The following P4HB variants were observed in gnomAD, a reference collection of about 807,000 sequenced individuals.
P4HB encodes the protein protein disulfide-isomerase.
In P4HB, 20 loss-of-function variants were observed where a neutral mutation model predicts 52.6. The observed-to-expected ratio is 0.38, with a 90% CI of 0.27 to 0.55. The LOEUF (loss-of-function observed/expected upper bound fraction) is 0.55, where lower values mean the gene tolerates loss of function less well. Among genes scored for constraint, P4HB ranks in the 20% least tolerant of loss-of-function variants. The pLI is 0.74. For missense variants in P4HB, 601 were observed against 669.2 expected (o/e 0.90, Z 1.12); for synonymous variants, 296 against 277.9 (o/e 1.07, Z -0.65).
chr17:81,852,755 A>G lies in P4HB; in HGVS notation c.624+2387T>C, dbSNP rs145837306. Among the ~76,000 whole-genome samples the G allele has an allele frequency of 1.9e-4, 29 of 152,346 alleles. No homozygotes were observed. The East Asian group carries it at 1.9e-3, about 10-fold the overall frequency. ...AGCCTTTGCAGGCAAGAGCAACGAA[A>G]CCACCCTCCCAGCCTTCGCGGACAC... On this transcript the variant is annotated intron_variant, in intron 4 of 10. Transcript: ENST00000331483.
At position 81,855,268 on chromosome 17, in the gene P4HB, C is replaced by A. The variant is rs774429058; in HGVS notation, c.498G>T (p.Ser166=). Reference sequence around the variant, plus strand: ...CCTGCAAAAACTGCTTGGCAGAGTCCGACTCCACGTCCTGAATGAGGAGGG... The same window carrying A: ...CCTGCAAAAACTGCTTGGCAGAGTCAGACTCCACGTCCTGAATGAGGAGGG... ...AVIGFFKDVE[S]DSAKQFLQAA... The change falls in exon 4 of 11, where the codon TCG becomes TCT. Residue 166 remains serine, a synonymous_variant. Transcript: ENST00000331483. This position sits in a 1 kb window ranked among gnomAD's most constrained non-coding sequence, Gnocchi z 4.3. 6.2e-7 allele frequency: 1 copy of A among 1,613,866 alleles called. No individual in the cohort carries two copies. The highest frequency in any genetic ancestry group is 8.5e-7 in the Non-Finnish European group (1 of 1,179,976).
intron 4 of P4HB, among the ~76,000 whole-genome samples, chr17:81,849,202 C>T (rs751249174): frequency 1.3e-5 from 2 of 151,008 alleles, no homozygotes; most frequent in African/African-American, 4.9e-5. Context: ...GCCTGGGTGA[C>T]GAGTGAAACA....
intron 4 of P4HB, among the ~76,000 whole-genome samples, chr17:81,851,687 T>C (rs2038832905): frequency 6.6e-6 from 1 of 151,794 alleles, no homozygotes; most frequent in Non-Finnish European, 1.5e-5. Context: ...CCCTCCAGAG[T>C]GTCAGGCGCC....
At chr17:81,844,683 C>T (rs1421261916) in intron 10 of P4HB, among the ~76,000 whole-genome samples, 3 of 152,222 alleles carry the variant, frequency 2.0e-5, no homozygotes, top group African/African-American at 7.2e-5. Context: ...GCCCCTGCCG[C>T]ATCCTCCCAA....
In P4HB at chr17:81,859,354, G is replaced by A; in HGVS notation, c.179C>T (p.Ala60Val). The A allele has an allele frequency of 1.2e-6, 2 of 1,613,838 alleles. No individual in the cohort carries two copies. Among genetic ancestry groups the A allele is most frequent in the Non-Finnish European group, 1.7e-6 (2 of 1,180,016 alleles). ...CCCAGCGGCTTTGGCATACTCAGGG[G>A]CCAGAGCCTTGCAGTGGCCACACCA... is the stretch of plus-strand genomic sequence containing the variant. ...APWCGHCKAL[A>V]PEYAKAAGKL... Residue 60 changes from alanine (A) to valine (V), a missense_variant, in exon 2 of 11, where the codon GCC (alanine) becomes GTC (valine). Physicochemically the swap from Ala to Val is moderately conservative, Grantham distance 64. Transcript: ENST00000331483.
At chr17:81,850,186 G>A (rs985391111) in intron 4 of P4HB, among the ~76,000 whole-genome samples, 2 of 151,536 alleles carry the variant, frequency 1.3e-5, no homozygotes, top group African/African-American at 4.9e-5. Flanking sequence ...AGGCTAGAGT[G>A]CAGTGGCAGG....
In P4HB at chr17:81,855,621, C is replaced by G. The variant is rs374555221; in HGVS notation, c.353-35G>C. 2 of 1,595,918 alleles carry G rather than the reference C, an allele frequency of 1.3e-6. No individual in the cohort carries two copies. Among genetic ancestry groups the G allele is most frequent in the Non-Finnish European group, 8.6e-7 (1 of 1,169,134 alleles). On this transcript the variant is annotated intron_variant, in intron 2 of 10. Transcript: ENST00000331483. This position sits in a 1 kb window ranked among gnomAD's most constrained non-coding sequence, Gnocchi z 4.3. ...AACAAATGTAGGTTCTACTCTCAAA[C>G]AGGGAGTGCCGCCTGCCCTGCCGCG...
intron 5 of P4HB, 74 bp from the exon 6 acceptor site, chr17:81,847,146 A>G: frequency 3.1e-6 from 5 of 1,601,684 alleles, no homozygotes; most frequent in Non-Finnish European, 4.3e-6. Flanking sequence ...ATGGCCTCCA[A>G]TGTCAGACGC....
intron 2 of P4HB, among the ~76,000 whole-genome samples, chr17:81,858,257 CAAAAAAA>C (rs901002093): frequency 0.028 from 1,081 of 38,752 alleles, 21 homozygotes; most frequent in African/African-American, 0.074. Context: ...GAGACTGTCT[CAAAAAAA>C]AAAAAAAAAA....
chr17:81,845,085 T>TC (rs1023633151), intron 10 of P4HB, 59 bp downstream of exon 10: 9 of 1,326,850 alleles, frequency 6.8e-6, no homozygotes, highest in African/African-American at 2.9e-5. Flanking sequence ...AGTGGGCATG[T>TC]CCCGTGGGGC....
At position 81,846,976 on chromosome 17, in the gene P4HB, T is replaced by G; in HGVS notation, c.826A>C (p.Lys276Gln). 1.9e-6 allele frequency: 3 copies of G among 1,614,094 alleles called. No homozygotes were observed. Among genetic ancestry groups the G allele is most frequent in the South Asian group, 1.1e-5 (1 of 91,088 alleles). The change falls in exon 6 of 11, where the codon AAA becomes CAA. Residue 276 changes from lysine (K) to glutamine (Q), a missense_variant. Transcript: ENST00000331483. The surrounding 1 kb of genome is among the most constrained non-coding windows in gnomAD (Gnocchi z 5.7). ...CCCTTGAAGCTCTCGGCTGCTGTTT[T>G]GAAGTTGCTCAGTTTGCCGTCATAG... ...SDYDGKLSNF[K>Q]TAAESFKGKI...
chr17:81,853,905 G>T (rs1013213382), intron 4 of P4HB, among the ~76,000 whole-genome samples: 1 of 152,232 alleles, frequency 6.6e-6, no homozygotes, highest in Non-Finnish European at 1.5e-5. Context: ...AGCCCCACCT[G>T]CCTGGTGACC....
chr17:81,846,350 C>A lies in P4HB; in HGVS notation c.1056+79G>T. 2 of 1,320,764 alleles carry A rather than the reference C, an allele frequency of 1.5e-6. No homozygotes were observed. Among genetic ancestry groups the A allele is most frequent in the Non-Finnish European group, 2.2e-6 (2 of 921,368 alleles). The allele number at this position is 1,320,764 out of a possible 1,614,324, so 81.8% of individuals were successfully genotyped here. On this transcript the variant is annotated intron_variant, in intron 7 of 10. Coordinates refer to ENST00000331483, the MANE Select transcript of P4HB (RefSeq NM_000918.4). The surrounding 1 kb of genome is among the most constrained non-coding windows in gnomAD (Gnocchi z 5.7). The stretch of plus-strand genomic sequence containing the variant: ...GAAGATCTTACTTTGAGGACGAAGC[C>A]CAGGACACTGAGAGCCCAGAGACCC...
chr17:81,850,020 G>A (rs1256842713), intron 4 of P4HB, among the ~76,000 whole-genome samples: 1 of 150,910 alleles, frequency 6.6e-6, no homozygotes, highest in African/African-American at 2.4e-5. Context: ...TAGAGACAGG[G>A]TTTTACCATG....
intron 2 of P4HB, chr17:81,858,806 A>C: frequency 4.2e-6 from 1 of 236,706 alleles, no homozygotes; most frequent in Non-Finnish European, 8.5e-6. Flanking sequence ...TACACACGAC[A>C]GCTAGCAGGT....
intron 2 of P4HB, 122 bp downstream of exon 2, chr17:81,859,059 C>G: frequency 2.4e-6 from 2 of 819,204 alleles, no homozygotes; most frequent in Non-Finnish European, 4.0e-6. Context: ...GCCTGAGGAA[C>G]GGGATCCCTC....
intron 2 of P4HB, among the ~76,000 whole-genome samples, chr17:81,856,305 C>T (rs914874588): frequency 3.3e-5 from 5 of 151,074 alleles, no homozygotes; most frequent in African/African-American, 1.2e-4. Flanking sequence ...TAGCTGGGAC[C>T]ACAGGCATGT....
Position 81,855,076 on chromosome 17 carries a change from A to G in P4HB, c.624+66T>C. ...GCAAGGTTCCCTTAACGATAAGGAG[A>G]GCAACGCCACCCTCTGCAGACCAAC... On this transcript the variant is annotated intron_variant, in intron 4 of 10. Coordinates refer to ENST00000331483, the MANE Select transcript of P4HB (RefSeq NM_000918.4). The surrounding 1 kb of genome is among the most constrained non-coding windows in gnomAD (Gnocchi z 4.3). 6.6e-7 allele frequency: 1 copy of G among 1,514,542 alleles called. No individual in the cohort carries two copies. Among genetic ancestry groups the G allele is most frequent in the Non-Finnish European group, 9.2e-7 (1 of 1,092,450 alleles). 93.8% of individuals were successfully genotyped at this position (1,514,542 alleles called of 1,614,324 possible).
chr17:81,845,488 G>T, intron 9 of P4HB, 73 bp downstream of exon 9: 1 of 1,420,004 alleles, frequency 7.0e-7, no homozygotes, highest in Non-Finnish European at 9.5e-7. Flanking sequence ...CTTCCAGAGA[G>T]GCACCCAGGC....
Sources: allele counts gnomAD v4.1 joint callset (sites outside exome capture counted in the v4.1 genomes callset), GRCh38; gene constraint gnomAD v4.1.1; non-coding constraint Gnocchi (gnomAD v3.1); transcripts MANE v1.5; gene names NCBI Gene and HGNC (gene_info 2026-07-23, HGNC 2026-07-21).